Variants in GTF2H1 observed in about 807,000 individuals in gnomAD.
GTF2H1 encodes general transcription factor IIH subunit 1.
Under a neutral mutation model 71.2 loss-of-function variants are expected in GTF2H1, and 16 were observed. The ratio of observed to expected loss-of-function variants is 0.22; its 90% CI spans 0.15 to 0.34. The LOEUF (loss-of-function observed/expected upper bound fraction) is 0.34. Among genes scored for constraint, GTF2H1 ranks in the 10% least tolerant of loss-of-function variants. The pLI is 1.00. For missense variants in GTF2H1, 498 were observed against 648.2 expected (o/e 0.77, Z 2.52); for synonymous variants, 215 against 219.0 (o/e 0.98, Z 0.16).
At chr11:18,336,886 C>T (rs759071643) in intron 3 of GTF2H1, among the ~76,000 whole-genome samples, 6 of 151,932 alleles carry the variant, frequency 3.9e-5, no homozygotes, top group Non-Finnish European at 8.8e-5. Context: ...TCCCAAGTAT[C>T]TGGTATCACA....
chr11:18,348,207 T>G, intron 9 of GTF2H1: 1 of 415,766 alleles, frequency 2.4e-6, no homozygotes, highest in Non-Finnish European at 4.2e-6. Flanking sequence ...ATATGTGATT[T>G]TGTTCTCTGG....
intron 13 of GTF2H1, 137 bp from the exon 14 acceptor site, chr11:18,360,478 T>C (rs1865670272): frequency 3.8e-6 from 2 of 525,456 alleles, no homozygotes; most frequent in Non-Finnish European, 6.6e-6. Context: ...TGTGATATAA[T>C]TGGTATATTT....
At chr11:18,327,930 C>T (rs1276389868) in intron 1 of GTF2H1, among the ~76,000 whole-genome samples, 1 of 152,102 alleles carries the variant, frequency 6.6e-6, no homozygotes, top group East Asian at 1.9e-4. Context: ...TGGGGCAGGC[C>T]GGGTGTAGTG....
At chr11:18,363,963 A>T (rs936363168) in intron 14 of GTF2H1, among the ~76,000 whole-genome samples, 3 of 151,992 alleles carry the variant, frequency 2.0e-5, no homozygotes, top group African/African-American at 7.3e-5. Context: ...AATCCCAGCT[A>T]CTCGGGAAGT....
In GTF2H1 at chr11:18,337,170, T is replaced by C. The variant is rs529692107; in HGVS notation, c.348-939T>C. ...AAGGCGGGGCATAATGGCTCATGCC[T>C]GTAGTCTCAGCACTTTTCGAGGCTG... is the stretch of plus-strand genomic sequence containing the variant. On this transcript the variant is annotated intron_variant, in intron 3 of 14. Coordinates refer to ENST00000265963, the MANE Select transcript of GTF2H1 (RefSeq NM_005316.4). Among the ~76,000 whole-genome samples the C allele has an allele frequency of 1.2e-4, 18 of 152,334 alleles. 1 individual carries two copies. The South Asian group carries it at 3.7e-3, about 32-fold the overall frequency.
chr11:18,356,903 A>T (rs564608556), intron 11 of GTF2H1, among the ~76,000 whole-genome samples: 6 of 148,718 alleles, frequency 4.0e-5, no homozygotes, highest in African/African-American at 1.5e-4. Context: ...TGATCTTCTC[A>T]TCTCAGCCTC....
At chr11:18,335,147 A>G (rs1171195566) in intron 2 of GTF2H1, among the ~76,000 whole-genome samples, 2 of 152,198 alleles carry the variant, frequency 1.3e-5, no homozygotes, top group Non-Finnish European at 2.9e-5. Context: ...AAAGGCTTGA[A>G]TATATTCAGC....
At chr11:18,360,013 G>T (rs573494502) in intron 13 of GTF2H1, among the ~76,000 whole-genome samples, 7 of 152,052 alleles carry the variant, frequency 4.6e-5, no homozygotes, top group African/African-American at 1.7e-4. Flanking sequence ...GGTCAAAGCT[G>T]CAGTGAGCCA....
intron 1 of GTF2H1, among the ~76,000 whole-genome samples, chr11:18,332,371 C>T (rs1310916202): frequency 6.6e-6 from 1 of 152,128 alleles, no homozygotes; most frequent in Admixed American, 6.5e-5. Flanking sequence ...CACACTCAAG[C>T]CTGGAGGATT....
chr11:18,352,511 A>G (rs1387833512), intron 11 of GTF2H1, 65 bp downstream of exon 11: 10 of 718,804 alleles, frequency 1.4e-5, no homozygotes, highest in African/African-American at 1.8e-5. Flanking sequence ...TATGAGCACA[A>G]GCAGATTGAA....
intron 14 of GTF2H1, among the ~76,000 whole-genome samples, chr11:18,361,373 G>A (rs538406682): frequency 6.6e-6 from 1 of 152,082 alleles, no homozygotes; most frequent in African/African-American, 2.4e-5. Context: ...CCTTAGAAAA[G>A]TTTTACAATC....
intron 5 of GTF2H1, 75 bp downstream of exon 5, chr11:18,339,732 G>T (rs1590187229): frequency 3.4e-6 from 3 of 869,698 alleles, no homozygotes; most frequent in East Asian, 5.1e-5. Flanking sequence ...AAAACAAAAA[G>T]CTTCAGATTC....
rs780245517 is a variant in GTF2H1 at position 18,341,550 on chromosome 11, A to G, written c.780A>G (p.Leu260=). The G allele has an allele frequency of 2.5e-6, 4 of 1,611,908 alleles. No individual in the cohort carries two copies. The highest frequency in any genetic ancestry group is 3.3e-5 in the Admixed American group (2 of 59,822). Residue 260 remains leucine (L), a synonymous_variant, in exon 7 of 15, where the codon TTA becomes TTG. Transcript: ENST00000265963. The part of the protein sequence containing the change: ...DEKGLKTMVS[L]GVKNPLLDLT... Reference sequence around the variant, plus strand: ...TAGGCCTAAAAACAATGGTTTCATTAGGAGTGAAAAACCCACTACTAGATT... The same window carrying G: ...TAGGCCTAAAAACAATGGTTTCATTGGGAGTGAAAAACCCACTACTAGATT...
intron 7 of GTF2H1, among the ~76,000 whole-genome samples, chr11:18,344,698 T>C (rs1865244171): frequency 6.6e-6 from 1 of 152,132 alleles, no homozygotes; most frequent in Admixed American, 6.5e-5. Flanking sequence ...TATCTTCTCA[T>C]TGAGCTTAGA....
At chr11:18,327,238 A>C (rs1388752876) in intron 1 of GTF2H1, among the ~76,000 whole-genome samples, 2 of 151,748 alleles carry the variant, frequency 1.3e-5, no homozygotes, top group Non-Finnish European at 3.0e-5. Flanking sequence ...ACTCTTGGGA[A>C]GACTTTTTTT....
intron 5 of GTF2H1, among the ~76,000 whole-genome samples, chr11:18,340,643 G>A (rs750847847): frequency 6.6e-6 from 1 of 152,112 alleles, no homozygotes; most frequent in Non-Finnish European, 1.5e-5. Flanking sequence ...TGTGCCAGAC[G>A]CTTTTCTAAG....
At chr11:18,336,917 G>C (rs1415329161) in intron 3 of GTF2H1, among the ~76,000 whole-genome samples, 1 of 151,922 alleles carries the variant, frequency 6.6e-6, no homozygotes, top group Non-Finnish European at 1.5e-5. Context: ...ACCACACTTG[G>C]CCAATTTTTC....
intron 9 of GTF2H1, chr11:18,351,583 C>T (rs1590194673): frequency 5.0e-6 from 1 of 201,476 alleles, no homozygotes; most frequent in South Asian, 1.2e-4. Context: ...TAGTGGAGAG[C>T]ATAACAGATC....
At chr11:18,340,730 A>G (rs937982987) in intron 5 of GTF2H1, among the ~76,000 whole-genome samples, 1 of 152,228 alleles carries the variant, frequency 6.6e-6, no homozygotes, top group African/African-American at 2.4e-5. Flanking sequence ...CTCATTTTAC[A>G]GATGAGGAAA....
Sources: gnomAD v4.1 joint callset for allele counts (sites outside exome capture counted in the v4.1 genomes callset) on GRCh38, gnomAD v4.1.1 for gene constraint, MANE v1.5 for transcripts, NCBI Gene and HGNC (gene_info 2026-07-23, HGNC 2026-07-21) for gene names.